BIRC6: variants seen among roughly 807,000 people sequenced by gnomAD.
BIRC6 encodes the protein dual E2 ubiquitin-conjugating enzyme/E3 ubiquitin-protein ligase BIRC6.
A neutral mutation model predicts 503.3 loss-of-function variants in BIRC6; 98 were observed. The ratio of observed to expected loss-of-function variants is 0.19; its 90% CI spans 0.17 to 0.23. BIRC6 has a LOEUF of 0.23. BIRC6 is among the 10% of genes least tolerant of loss of function. The probability of loss-of-function intolerance (pLI) is 1.00; values close to 1 mark genes in which losing one functional copy is unlikely to be tolerated. For synonymous variants in BIRC6, 2,240 were observed against 2,078.7 expected (o/e 1.08, Z -2.11); for missense variants, 5,360 against 5,806.0 (o/e 0.92, Z 2.50).
chr2:32,603,549 C>T (rs1470648223), intron 71 of BIRC6, among the ~76,000 whole-genome samples: 1 of 152,026 alleles, frequency 6.6e-6, no homozygotes, highest in Non-Finnish European at 1.5e-5. Context: ...ACCCGCATCT[C>T]TACTAAAAAT....
chr2:32,505,466 A>C (rs1311572412), intron 50 of BIRC6: 2 of 371,098 alleles, frequency 5.4e-6, no homozygotes. Flanking sequence ...CTTTTCTCTC[A>C]AATTTACTAA....
At chr2:32,549,256 A>G (rs1572948472) in intron 64 of BIRC6, 57 bp from the exon 65 acceptor site, 2 of 1,273,016 alleles carry the variant, frequency 1.6e-6, no homozygotes, top group South Asian at 2.5e-5. Context: ...CTAACCTACA[A>G]TAAAAACTTT....
intron 63 of BIRC6, among the ~76,000 whole-genome samples, chr2:32,547,440 A>G (rs758465364): frequency 2.6e-5 from 4 of 152,210 alleles, no homozygotes; most frequent in African/African-American, 4.8e-5. Context: ...TGGATATTGC[A>G]TATAAATTGA....
At chr2:32,497,494 G>A (rs1163018988) in intron 45 of BIRC6, among the ~76,000 whole-genome samples, 1 of 152,144 alleles carries the variant, frequency 6.6e-6, no homozygotes, top group Non-Finnish European at 1.5e-5. Flanking sequence ...GCATCCTGTG[G>A]CTAGAGTTTT....
Position 32,531,565 on chromosome 2 carries a change from T to G in BIRC6, c.12291+14T>G. On this transcript the variant is annotated intron_variant, in intron 61 of 73. Transcript: ENST00000421745. ...GTAATTCAACAGGTAAGATAAGATT[T>G]CCTAATCGAGTATATCATTCCATAG... is the stretch of plus-strand genomic sequence containing the variant. The G allele has an allele frequency of 6.3e-7, 1 of 1,592,220 alleles. No homozygotes were observed. The highest frequency in any genetic ancestry group is 8.6e-7 in the Non-Finnish European group (1 of 1,166,578).
At chr2:32,411,923 G>A (rs1452640254) in intron 9 of BIRC6, among the ~76,000 whole-genome samples, 1 of 152,178 alleles carries the variant, frequency 6.6e-6, no homozygotes, top group Non-Finnish European at 1.5e-5. Flanking sequence ...GGAGTTGACT[G>A]ACATCTATTG....
At chr2:32,388,999 T>A in intron 4 of BIRC6, 56 bp downstream of exon 4, 1 of 1,133,636 alleles carries the variant, frequency 8.8e-7, no homozygotes, top group Non-Finnish European at 1.1e-6. Context: ...GTTTTTGCAT[T>A]AAACAAGGAA....
chr2:32,559,476 A>G (rs1304754238), intron 65 of BIRC6, among the ~76,000 whole-genome samples: 1 of 152,212 alleles, frequency 6.6e-6, no homozygotes, highest in Non-Finnish European at 1.5e-5. Flanking sequence ...GGGTTTTCTG[A>G]TGAAGCTCTT....
intron 10 of BIRC6, among the ~76,000 whole-genome samples, chr2:32,423,442 C>G (rs1372711584): frequency 6.6e-6 from 1 of 152,172 alleles, no homozygotes; most frequent in Non-Finnish European, 1.5e-5. Context: ...ACTCTGTAAC[C>G]ATTAAGCAGT....
intron 23 of BIRC6, among the ~76,000 whole-genome samples, chr2:32,460,076 T>G (rs900699178): frequency 1.4e-5 from 2 of 148,136 alleles, no homozygotes; most frequent in Non-Finnish European, 3.0e-5. Flanking sequence ...GCTTCCTAGG[T>G]CTTCCTATAT....
chr2:32,592,842 G>T (rs989357337), intron 66 of BIRC6, among the ~76,000 whole-genome samples: 1 of 151,976 alleles, frequency 6.6e-6, no homozygotes, highest in African/African-American at 2.4e-5. Context: ...TGTTCCACCC[G>T]CCTCAGCCTC....
intron 50 of BIRC6, among the ~76,000 whole-genome samples, chr2:32,506,039 G>A (rs1469169780): frequency 1.3e-5 from 2 of 151,918 alleles, no homozygotes; most frequent in Non-Finnish European, 2.9e-5. Context: ...TGTAGAGACG[G>A]GGTTTTGTTA....
intron 73 of BIRC6, among the ~76,000 whole-genome samples, chr2:32,612,902 C>T (rs1279410065): frequency 6.6e-6 from 1 of 152,194 alleles, no homozygotes; most frequent in East Asian, 1.9e-4. Flanking sequence ...AGATTGTCTT[C>T]TTTCACCGTC....
At position 32,611,541 on chromosome 2, in the gene BIRC6, C is replaced by T. The variant is rs1480990689; in HGVS notation, c.14353C>T (p.Arg4785Trp). 3.7e-6 allele frequency: 6 copies of T among 1,601,974 alleles called. No individual in the cohort carries two copies. Among genetic ancestry groups the T allele is most frequent in the Non-Finnish European group, 5.1e-6 (6 of 1,172,812 alleles). ...TATCCAGCAGTACAGCAGTGATAAG[C>T]GGGTAGGCAGGACTATGTCTCACCA... ...ADIQQYSSDK[R>W]VGRTMSHHAA... The change falls in exon 73 of 74, where the codon CGG becomes TGG. Residue 4785 changes from arginine to tryptophan, a missense_variant. Arg to Trp is a moderately radical substitution (Grantham distance 101, BLOSUM62 -3). Coordinates refer to ENST00000421745, the MANE Select transcript of BIRC6 (RefSeq NM_016252.4).
intron 49 of BIRC6, 51 bp from the exon 50 acceptor site, chr2:32,504,954 A>G: frequency 6.9e-7 from 1 of 1,458,752 alleles, no homozygotes; most frequent in Non-Finnish European, 9.4e-7. Flanking sequence ...TTAAAGCTTT[A>G]TTATGTTTCT....
chr2:32,369,961 T>A (rs1342417534), intron 1 of BIRC6, among the ~76,000 whole-genome samples: 15 of 51,386 alleles, frequency 2.9e-4, no homozygotes, highest in African/African-American at 7.7e-4. Flanking sequence ...TATATATATA[T>A]ATATATATAT....
intron 63 of BIRC6, among the ~76,000 whole-genome samples, chr2:32,547,030 T>A (rs908213779): frequency 6.6e-6 from 1 of 152,218 alleles, no homozygotes; most frequent in Non-Finnish European, 1.5e-5. Context: ...GGGTTAGATA[T>A]GATAGTGCAA....
intron 54 of BIRC6, among the ~76,000 whole-genome samples, chr2:32,514,178 A>G (rs907981516): frequency 5.3e-5 from 8 of 151,980 alleles, no homozygotes; most frequent in African/African-American, 1.9e-4. Flanking sequence ...AAAATTAGCC[A>G]GGCATGGTGG....
chr2:32,518,696 A>T, intron 56 of BIRC6, 121 bp from the exon 57 acceptor site: 14 of 1,215,674 alleles, frequency 1.2e-5, no homozygotes, highest in Non-Finnish European at 1.6e-5. Flanking sequence ...GCCATATCTA[A>T]ATTAATTATA....
Sources: allele counts gnomAD v4.1 joint callset (sites outside exome capture counted in the v4.1 genomes callset), GRCh38; gene constraint gnomAD v4.1.1; transcripts MANE v1.5; gene names NCBI Gene and HGNC (gene_info 2026-07-23, HGNC 2026-07-21).